GPHN: variants seen among roughly 807,000 people sequenced by gnomAD.
The protein encoded by GPHN is gephyrin.
In GPHN, 17 loss-of-function variants were observed where a neutral mutation model predicts 95.5. The ratio of observed to expected loss-of-function variants is 0.18; its 90% CI spans 0.12 to 0.27. The LOEUF is 0.27. GPHN is among the 10% of genes least tolerant of loss of function. The pLI, the probability that GPHN is intolerant of heterozygous loss-of-function variation, is 1.00. For synonymous variants in GPHN, 320 were observed against 322.5 expected, an observed-to-expected ratio of 0.99 and a Z score of 0.08; for missense variants, 660 against 978.1, an observed-to-expected ratio of 0.67 and a Z score of 4.34.
the GPHN span, among the ~76,000 whole-genome samples, chr14:67,225,962 T>TGTGTGCGCGCGC: frequency 3.0e-4 from 34 of 113,514 alleles, no homozygotes; most frequent in Middle Eastern, 4.3e-3. Flanking sequence ...TGTGTGTGTG[T>TGTGTGCGCGCGC]GCGCGCGCGC....
chr14:66,523,081 G>A (rs1308993223), intron 1 of GPHN, among the ~76,000 whole-genome samples: 1 of 152,044 alleles, frequency 6.6e-6, no homozygotes, highest in Non-Finnish European at 1.5e-5. Context: ...CATCATTGCT[G>A]AAATCTATTA....
chr14:67,392,386 A>G, the GPHN span: 1 of 1,613,898 alleles, frequency 6.2e-7, no homozygotes, highest in Non-Finnish European at 8.5e-7. Context: ...TGCTCAGGCT[A>G]ATTTCTTCCT....
chr14:67,393,350 C>T, the GPHN span: 4 of 779,204 alleles, frequency 5.1e-6, no homozygotes, highest in Non-Finnish European at 9.4e-6. Context: ...AATGGTGTGA[C>T]ACACATCACA....
chr14:67,562,918 G>A, the GPHN span: 1 of 1,599,174 alleles, frequency 6.3e-7, no homozygotes, highest in Non-Finnish European at 8.5e-7. Context: ...TCCGGGCTGG[G>A]CAGAGGAGCA....
intron 9 of GPHN, chr14:66,985,728 G>C: frequency 6.6e-7 from 1 of 1,526,612 alleles, no homozygotes; most frequent in Non-Finnish European, 8.8e-7. Context: ...AGTAGAGTTG[G>C]ATCCCTCAAA....
At chr14:67,419,682 C>T in the GPHN span, among the ~76,000 whole-genome samples, 1 of 152,242 alleles carries the variant, frequency 6.6e-6, no homozygotes, top group South Asian at 2.1e-4. Context: ...AACCCCGTCT[C>T]TACTAAAGAT....
At chr14:67,359,095 C>T in the GPHN span, among the ~76,000 whole-genome samples, 1 of 152,166 alleles carries the variant, frequency 6.6e-6, no homozygotes, top group Non-Finnish European at 1.5e-5. Flanking sequence ...ACAGGGATAT[C>T]CTCTCACAGC....
the GPHN span, chr14:67,320,364 A>C: frequency 4.3e-6 from 7 of 1,610,362 alleles, no homozygotes; most frequent in South Asian, 4.4e-5. Flanking sequence ...GCTCATGAAC[A>C]AAGAAAAGGA....
the GPHN span, among the ~76,000 whole-genome samples, chr14:67,556,493 GT>G: frequency 6.6e-6 from 1 of 152,060 alleles, no homozygotes; most frequent in Admixed American, 6.6e-5. Flanking sequence ...GCCCAGGCTG[GT>G]CTTGAACTCC....
At chr14:66,705,207 T>C (rs2068955987) in intron 2 of GPHN, among the ~76,000 whole-genome samples, 1 of 152,200 alleles carries the variant, frequency 6.6e-6, no homozygotes, top group Non-Finnish European at 1.5e-5. Context: ...CAGGACCAGA[T>C]GAATTCACAG....
the GPHN span, among the ~76,000 whole-genome samples, chr14:67,378,963 G>A: frequency 1.3e-5 from 2 of 152,048 alleles, no homozygotes; most frequent in Non-Finnish European, 2.9e-5. Flanking sequence ...TATTTAAAAT[G>A]TAACCTATTG....
intron 1 of GPHN, among the ~76,000 whole-genome samples, chr14:66,564,977 C>A (rs1292702712): frequency 6.6e-6 from 1 of 152,090 alleles, no homozygotes; most frequent in Non-Finnish European, 1.5e-5. Context: ...ATGTTCCTCC[C>A]CAAGAAGTGG....
At chr14:67,458,309 C>T in the GPHN span, among the ~76,000 whole-genome samples, 2 of 152,050 alleles carry the variant, frequency 1.3e-5, no homozygotes, top group Non-Finnish European at 2.9e-5. Flanking sequence ...AATTGATGTG[C>T]GGTACAGTGT....
At chr14:67,654,590 G>T in the GPHN span, among the ~76,000 whole-genome samples, 1 of 152,148 alleles carries the variant, frequency 6.6e-6, no homozygotes, top group Non-Finnish European at 1.5e-5. Flanking sequence ...CTGACTTAAT[G>T]GAGAACTGAA....
the GPHN span, among the ~76,000 whole-genome samples, chr14:67,495,448 A>ATGG: frequency 6.6e-6 from 1 of 151,956 alleles, no homozygotes; most frequent in Non-Finnish European, 1.5e-5. Flanking sequence ...GCCCATAATA[A>ATGG]TGAGTCAGGT....
At chr14:67,469,482 C>G in the GPHN span, among the ~76,000 whole-genome samples, 3 of 113,078 alleles carry the variant, frequency 2.7e-5, no homozygotes, top group African/African-American at 1.0e-4. Context: ...ATGGTGGTCT[C>G]TGTATGTTGC....
chr14:67,691,325 T>C, the GPHN span: 1 of 876,728 alleles, frequency 1.1e-6, no homozygotes. Flanking sequence ...GCTCAGGCTT[T>C]GAAAATGAGG....
the GPHN span, among the ~76,000 whole-genome samples, chr14:67,328,038 G>C: frequency 6.6e-6 from 1 of 152,182 alleles, no homozygotes; most frequent in Non-Finnish European, 1.5e-5. Flanking sequence ...TCTAGTTCTA[G>C]ATCCTTGAGG....
chr14:67,011,192 C>T (rs985437079), intron 9 of GPHN, among the ~76,000 whole-genome samples: 8 of 152,024 alleles, frequency 5.3e-5, no homozygotes, highest in Non-Finnish European at 1.2e-4. Context: ...ATGATTTATT[C>T]AGATCTTTTG....
Sources: allele counts gnomAD v4.1 joint callset (sites outside exome capture counted in the v4.1 genomes callset), GRCh38; gene constraint gnomAD v4.1.1; transcripts MANE v1.5; gene names NCBI Gene and HGNC (gene_info 2026-07-23, HGNC 2026-07-21).